The following TTLL7 variants were observed in gnomAD, a reference collection of about 807,000 sequenced individuals.
The protein encoded by TTLL7 is tubulin tyrosine ligase like 7.
Under a neutral mutation model 120.2 loss-of-function variants are expected in TTLL7, and 53 were observed. That is an observed-to-expected ratio of 0.44 (90% CI 0.35 to 0.55). The LOEUF is 0.55. Ranked by LOEUF, TTLL7 falls within the 20% of genes least tolerant of loss-of-function variation. The pLI is 0.00. For synonymous variants in TTLL7, 353 were observed against 351.7 expected (o/e 1.00, Z -0.04); for missense variants, 803 against 1,054.7 (o/e 0.76, Z 3.31).
chr1:83,942,182 T>A (rs1648043258), intron 7 of TTLL7, among the ~76,000 whole-genome samples: 1 of 152,208 alleles, frequency 6.6e-6, no homozygotes, highest in Non-Finnish European at 1.5e-5. Flanking sequence ...ACAGGACCAC[T>A]GCACACAGAT....
intron 20 of TTLL7, among the ~76,000 whole-genome samples, chr1:83,881,709 A>C (rs1284371802): frequency 6.6e-6 from 1 of 151,498 alleles, no homozygotes; most frequent in Non-Finnish European, 1.5e-5. Context: ...ACCTAGAAAT[A>C]CCATTTGACC....
At chr1:83,877,107 T>C (rs1653991741) in intron 20 of TTLL7, among the ~76,000 whole-genome samples, 1 of 152,016 alleles carries the variant, frequency 6.6e-6, no homozygotes, top group Non-Finnish European at 1.5e-5. Flanking sequence ...CATGAATGCA[T>C]ATTGAATTCT....
At chr1:83,916,692 T>C (rs1658219743) in intron 14 of TTLL7, among the ~76,000 whole-genome samples, 1 of 151,950 alleles carries the variant, frequency 6.6e-6, no homozygotes, top group Non-Finnish European at 1.5e-5. Context: ...GACAAAGAGA[T>C]AGCATAGTAA....
intron 1 of TTLL7, among the ~76,000 whole-genome samples, chr1:83,958,646 A>G (rs1415705501): frequency 6.6e-6 from 1 of 152,238 alleles, no homozygotes; most frequent in Non-Finnish European, 1.5e-5. Context: ...CAAATTTGAT[A>G]TATGCTTTCT....
intron 14 of TTLL7, among the ~76,000 whole-genome samples, chr1:83,915,498 G>A (rs1299204564): frequency 1.3e-5 from 2 of 152,046 alleles, no homozygotes; most frequent in Non-Finnish European, 2.9e-5. Flanking sequence ...AATTCAAGAT[G>A]GATTAAAGAT....
chr1:83,902,554 C>T (rs1656812831), intron 18 of TTLL7, among the ~76,000 whole-genome samples: 1 of 151,974 alleles, frequency 6.6e-6, no homozygotes, highest in Non-Finnish European at 1.5e-5. Context: ...AATTTCTTTT[C>T]TTGGCTTCAA....
At chr1:83,944,119 G>GA (rs1376698990) in intron 6 of TTLL7, among the ~76,000 whole-genome samples, 4 of 151,236 alleles carry the variant, frequency 2.6e-5, no homozygotes, top group Admixed American at 6.6e-5. Flanking sequence ...GGAACAGAAA[G>GA]AAAAAAGAAG....
chr1:83,960,157 A>G (rs1368994284), intron 1 of TTLL7, among the ~76,000 whole-genome samples: 1 of 152,180 alleles, frequency 6.6e-6, no homozygotes, highest in Non-Finnish European at 1.5e-5. Flanking sequence ...TGCTTGAATC[A>G]TTATGTGTCT....
intron 1 of TTLL7, among the ~76,000 whole-genome samples, chr1:83,972,227 A>G (rs1308140798): frequency 6.6e-6 from 1 of 152,064 alleles, no homozygotes; most frequent in South Asian, 2.1e-4. Flanking sequence ...GATTATCTTC[A>G]GTGCCTTAAA....
At chr1:83,936,616 A>G (rs935271908) in intron 8 of TTLL7, among the ~76,000 whole-genome samples, 3 of 152,186 alleles carry the variant, frequency 2.0e-5, no homozygotes, top group Non-Finnish European at 4.4e-5. Context: ...GTTATGATCC[A>G]ATTTCTCATT....
Position 83,870,062 on chromosome 1 carries a change from G to T in TTLL7, c.2564C>A (p.Thr855Asn). The T allele has an allele frequency of 6.4e-7, 1 of 1,569,254 alleles. No individual in the cohort carries two copies. The highest frequency in any genetic ancestry group is 8.6e-7 in the Non-Finnish European group (1 of 1,164,920). Residue 855 changes from threonine (T) to asparagine (N), a missense_variant, in exon 21 of 21, where the codon ACC becomes AAC. Thr to Asn is a moderately conservative substitution (Grantham distance 65). Transcript: ENST00000260505. ...GNSRYLLPGS[T>N]QFFLRTPTYN... ...GGTTGGTGTTCTCAAGAAGAATTGG[G>T]TGCTCCCTGGTAGTAAATACCTAAA...
chr1:83,976,780 G>T (rs1651529780), intron 1 of TTLL7, among the ~76,000 whole-genome samples: 1 of 151,674 alleles, frequency 6.6e-6, no homozygotes, highest in Admixed American at 6.6e-5. Flanking sequence ...TTCCCTACTT[G>T]CTCTTAATTC....
At chr1:83,964,042 T>A (rs2100547780) in intron 1 of TTLL7, among the ~76,000 whole-genome samples, 1 of 152,272 alleles carries the variant, frequency 6.6e-6, no homozygotes, top group East Asian at 1.9e-4. Context: ...TATTTTGCTT[T>A]TAGATTATTA....
chr1:83,987,477 C>A (rs1366698167), intron 1 of TTLL7, among the ~76,000 whole-genome samples: 1 of 151,878 alleles, frequency 6.6e-6, no homozygotes, highest in South Asian at 2.1e-4. Context: ...TTTAAAGTGG[C>A]TCTTCCACAG....
intron 4 of TTLL7, 89 bp downstream of exon 4, chr1:83,949,776 G>A: frequency 6.9e-7 from 1 of 1,439,226 alleles, no homozygotes; most frequent in Non-Finnish European, 9.6e-7. Flanking sequence ...AATGTAATAA[G>A]GCAACATATT....
intron 13 of TTLL7, among the ~76,000 whole-genome samples, chr1:83,919,144 A>G (rs1233059229): frequency 6.6e-6 from 1 of 152,024 alleles, no homozygotes. Context: ...AGACAAGCGG[A>G]AGAACCACTC....
At chr1:83,921,443 A>G in intron 10 of TTLL7, 49 bp from the exon 11 acceptor site, 1 of 1,586,290 alleles carries the variant, frequency 6.3e-7, no homozygotes, top group Non-Finnish European at 8.6e-7. Flanking sequence ...ACAAGTTCTG[A>G]TCTTATCCCT....
intron 14 of TTLL7, among the ~76,000 whole-genome samples, chr1:83,914,323 C>CTTTTTTTTTTTTTTTT (rs1171299360): frequency 5.1e-5 from 4 of 78,244 alleles, no homozygotes; most frequent in Admixed American, 2.0e-4. Flanking sequence ...CTCTCTCTCT[C>CTTTTTTTTTTTTTTTT]TTTTTTTTTT....
chr1:83,916,000 G>A (rs1402502585), intron 14 of TTLL7, among the ~76,000 whole-genome samples: 1 of 152,160 alleles, frequency 6.6e-6, no homozygotes, highest in Non-Finnish European at 1.5e-5. Flanking sequence ...AACAGGTGCT[G>A]GAGAGGATGT....
Sources: gnomAD v4.1 joint callset for allele counts (sites outside exome capture counted in the v4.1 genomes callset) on GRCh38, gnomAD v4.1.1 for gene constraint, MANE v1.5 for transcripts, NCBI Gene and HGNC (gene_info 2026-07-23, HGNC 2026-07-21) for gene names.